Variants in MTUS1 observed in about 807,000 individuals in gnomAD.
MTUS1 encodes the protein microtubule-associated tumor suppressor 1.
A neutral mutation model predicts 120.8 loss-of-function variants in MTUS1; 109 were observed. That is an observed-to-expected ratio of 0.90 (90% CI 0.77 to 1.06). The LOEUF is 1.06. Among genes scored for constraint, MTUS1 ranks in the 50% least tolerant of loss-of-function variants. MTUS1 has a pLI of 0.00. For missense variants in MTUS1, 2,210 were observed against 1,486.3 expected (o/e 1.49, Z -8.01); for synonymous variants, 737 against 550.5 (o/e 1.34, Z -4.74).
intron 9 of MTUS1, 151 bp downstream of exon 9, chr8:17,655,712 C>T (rs945727596): frequency 1.4e-6 from 1 of 692,178 alleles, no homozygotes; most frequent in Non-Finnish European, 2.4e-6. Flanking sequence ...GCCTGGGAGA[C>T]AGAGTGGGAC....
intron 6 of MTUS1, among the ~76,000 whole-genome samples, chr8:17,695,273 G>C (rs6990651): frequency 0.29 from 44,620 of 152,012 alleles, 7,634 homozygotes; most frequent in Middle Eastern, 0.39. Context: ...GCTATTCCTT[G>C]GATCTAACAA....
chr8:17,736,621 C>A (rs209976), intron 3 of MTUS1, among the ~76,000 whole-genome samples: 1 of 151,768 alleles, frequency 6.6e-6, no homozygotes, highest in Non-Finnish European at 1.5e-5. Context: ...GTCTTGCTCT[C>A]TCACCCAGGC....
At chr8:17,740,348 G>C (rs776790652) in intron 3 of MTUS1, among the ~76,000 whole-genome samples, 15 of 152,358 alleles carry the variant, frequency 9.8e-5, no homozygotes, top group Non-Finnish European at 1.3e-4. Context: ...TGTTCTGAAA[G>C]GATTTATTGA....
intron 8 of MTUS1, among the ~76,000 whole-genome samples, chr8:17,665,030 T>C (rs1424502558): frequency 1.3e-5 from 2 of 152,216 alleles, no homozygotes; most frequent in East Asian, 1.9e-4. Context: ...GCCAACAGTA[T>C]AGATTGGTGA....
At chr8:17,668,081 T>C (rs1398518138) in intron 8 of MTUS1, among the ~76,000 whole-genome samples, 1 of 151,580 alleles carries the variant, frequency 6.6e-6, no homozygotes, top group Non-Finnish European at 1.5e-5. Flanking sequence ...GGCTCAAAAA[T>C]AATTTTGAAA....
chr8:17,698,979 T>C (rs1818502607), intron 6 of MTUS1, among the ~76,000 whole-genome samples: 1 of 152,162 alleles, frequency 6.6e-6, no homozygotes, highest in South Asian at 2.1e-4. Flanking sequence ...TGAACACCTT[T>C]TCCTTCCAGA....
intron 8 of MTUS1, chr8:17,674,351 C>T (rs1812633132): frequency 6.2e-6 from 3 of 481,738 alleles, no homozygotes; most frequent in Middle Eastern, 1.0e-3. Context: ...ACCCGGGAGG[C>T]GGAGGTTGCA....
intron 6 of MTUS1, among the ~76,000 whole-genome samples, chr8:17,703,348 G>C (rs1053975758): frequency 6.6e-6 from 1 of 152,072 alleles, no homozygotes; most frequent in Non-Finnish European, 1.5e-5. Context: ...GGTGGAGATA[G>C]CTTGGCCGGG....
chr8:17,735,900 A>G (rs538628858), intron 3 of MTUS1, among the ~76,000 whole-genome samples: 1 of 152,360 alleles, frequency 6.6e-6, no homozygotes, highest in Admixed American at 6.5e-5. Flanking sequence ...AGCATACAGC[A>G]CTATAAATGC....
chr8:17,792,769 C>G (rs1342109269), intron 1 of MTUS1, among the ~76,000 whole-genome samples: 1 of 152,202 alleles, frequency 6.6e-6, no homozygotes, highest in African/African-American at 2.4e-5. Flanking sequence ...AAGGCTATGG[C>G]ATGAGAATCA....
chr8:17,644,212 T>C lies in MTUS1; in HGVS notation c.*1714A>G, dbSNP rs755402049. The C allele has an allele frequency of 6.6e-6, 1 of 152,426 alleles. No homozygotes were observed. Among genetic ancestry groups the C allele is most frequent in the Non-Finnish European group, 1.5e-5 (1 of 68,026 alleles). The allele number at this position is 152,426 out of a possible 1,614,324, so 9.4% of individuals were successfully genotyped here. A position where few individuals can be genotyped will look rare whatever the true frequency, so the allele number is the denominator to read the frequency against. On this transcript the variant is annotated 3_prime_UTR_variant, in exon 15 of 15. Transcript: ENST00000693296. ...CATTTCCATTTATCAGAAGCAAACATGGAAGGTTACATACATGATGAAGTA... is the reference window on the plus strand; with the variant it reads ...CATTTCCATTTATCAGAAGCAAACACGGAAGGTTACATACATGATGAAGTA...
chr8:17,650,409 C>G (rs1156647855), intron 12 of MTUS1, among the ~76,000 whole-genome samples: 1 of 152,166 alleles, frequency 6.6e-6, no homozygotes, highest in African/African-American at 2.4e-5. Flanking sequence ...TAACAATGTC[C>G]TGAGTGTTTG....
chr8:17,765,643 G>C (rs1305976733), intron 1 of MTUS1, among the ~76,000 whole-genome samples: 1 of 129,910 alleles, frequency 7.7e-6, no homozygotes, highest in Non-Finnish European at 1.6e-5. Flanking sequence ...AAGACTAGCT[G>C]TCATCTATAC....
intron 14 of MTUS1, 99 bp from the exon 15 acceptor site, chr8:17,646,238 C>G: frequency 7.9e-7 from 1 of 1,270,290 alleles, no homozygotes; most frequent in Non-Finnish European, 1.1e-6. Flanking sequence ...CAAAATTATT[C>G]CTTTGGGATA....
intron 4 of MTUS1, among the ~76,000 whole-genome samples, chr8:17,716,956 C>T (rs1822462076): frequency 6.6e-6 from 1 of 152,218 alleles, no homozygotes; most frequent in Non-Finnish European, 1.5e-5. Context: ...GATCCCTTTT[C>T]TCACTTCACT....
chr8:17,657,998 A>G (rs1005144846), intron 8 of MTUS1, among the ~76,000 whole-genome samples: 2 of 146,056 alleles, frequency 1.4e-5, no homozygotes, highest in Non-Finnish European at 3.0e-5. Context: ...TAATACATAT[A>G]TACACATATA....
chr8:17,726,095 C>G (rs1314392961), intron 3 of MTUS1, among the ~76,000 whole-genome samples: 1 of 152,152 alleles, frequency 6.6e-6, no homozygotes, highest in African/African-American at 2.4e-5. Flanking sequence ...ACTGAACGGC[C>G]TCCTTTCTAT....
chr8:17,724,034 G>A, intron 3 of MTUS1: 1 of 573,902 alleles, frequency 1.7e-6, no homozygotes, highest in Non-Finnish European at 3.1e-6. Flanking sequence ...CAAGAGAGCA[G>A]AAATGATGAG....
intron 6 of MTUS1, among the ~76,000 whole-genome samples, chr8:17,685,036 T>C (rs1215929197): frequency 6.6e-6 from 1 of 152,192 alleles, no homozygotes; most frequent in Non-Finnish European, 1.5e-5. Flanking sequence ...CACAGATTTA[T>C]ACCGCAGATG....
Sources: gnomAD v4.1 joint callset for allele counts (sites outside exome capture counted in the v4.1 genomes callset) on GRCh38, gnomAD v4.1.1 for gene constraint, MANE v1.5 for transcripts, NCBI Gene and HGNC (gene_info 2026-07-23, HGNC 2026-07-21) for gene names.